LAMA5: variants seen among roughly 807,000 people sequenced by gnomAD.
LAMA5 encodes laminin subunit alpha 5, also known as laminin subunit alpha-5.
LAMA5 carries 260 observed loss-of-function variants against 433.4 expected under a neutral mutation model. The ratio of observed to expected loss-of-function variants is 0.60; its 90% CI spans 0.54 to 0.66. The LOEUF is 0.66. Ranked by LOEUF, LAMA5 falls within the 30% of genes least tolerant of loss-of-function variation. The pLI is 0.00. For missense variants in LAMA5, 5,378 were observed against 5,258.5 expected (o/e 1.02, Z -0.70); for synonymous variants, 2,620 against 2,226.6 (o/e 1.18, Z -4.97).
In LAMA5 at chr20:62,324,350, G is replaced by T; in HGVS notation, c.5643+91C>A. 7.0e-7 allele frequency: 1 copy of T among 1,424,646 alleles called. No homozygotes were observed. The highest frequency in any genetic ancestry group is 9.7e-7 in the Non-Finnish European group (1 of 1,031,434). 88.3% of individuals were successfully genotyped at this position (1,424,646 alleles called of 1,614,324 possible). On this transcript the variant is annotated intron_variant, in intron 42 of 79. Transcript: ENST00000252999. The surrounding 1 kb of genome is among the most constrained non-coding windows in gnomAD (Gnocchi z 4.4). ...CAACACCCTTCCCCAGACCTCAGTT[G>T]ACCTGGAAGTGCAGCCCCTGGTCTT... is the stretch of plus-strand genomic sequence containing the variant.
At position 62,333,437 on chromosome 20, in the gene LAMA5, G is replaced by T. The variant is rs139992490; in HGVS notation, c.3066C>A (p.Leu1022=). 1.2e-6 allele frequency: 2 copies of T among 1,612,756 alleles called. No individual in the cohort carries two copies. The highest frequency in any genetic ancestry group is 2.2e-5 in the East Asian group (1 of 44,870). Residue 1022 remains leucine (L), a synonymous_variant, in exon 25 of 80, where the codon CTC becomes CTA. Coordinates refer to ENST00000252999, the MANE Select transcript of LAMA5 (RefSeq NM_005560.6). ...AGGCCTCAGTCACCCGCAGCTGCAG[G>T]AGCGCCGCCTCGTAGTATGCGCTAG... The part of the protein sequence containing the change: ...LLPSAYYEAA[L]LQLRVTEACT...
Position 62,316,939 on chromosome 20 carries a change from C to A in LAMA5, c.7596G>T (p.Val2532=). The change falls in exon 56 of 80, where the codon GTG becomes GTT. Residue 2532 remains valine, a synonymous_variant. Transcript: ENST00000252999. The part of the protein sequence containing the change: ...SNAYSRILQA[V]QAAEDAAGQA... ...GGCCAGCAGCATCCTCGGCAGCCTGCACGGCCTGCAGGATGCGGCTGTAGG... is the reference window on the plus strand; with the variant it reads ...GGCCAGCAGCATCCTCGGCAGCCTGAACGGCCTGCAGGATGCGGCTGTAGG... The A allele has an allele frequency of 6.4e-7, 1 of 1,563,930 alleles. No homozygotes were observed.
In LAMA5 at chr20:62,311,065, C is replaced by T. The variant is rs1472165176; in HGVS notation, c.10118G>A (p.Arg3373Gln). The change falls in exon 74 of 80, where the codon CGA becomes CAA. Residue 3373 changes from arginine to glutamine, a missense_variant. Arg to Gln is a conservative substitution (Grantham distance 43, BLOSUM62 1). Coordinates refer to ENST00000252999, the MANE Select transcript of LAMA5 (RefSeq NM_005560.6). ...GAAGAGGAGGAGGCCTCGGGAGCTT[C>T]GCGGGAGGACGTGCATGGAGAGACT... ...WPSLSMHVLP[R>Q]SSRGLLLFTA... The T allele has an allele frequency of 1.1e-5, 17 of 1,594,244 alleles. No homozygotes were observed. The highest frequency in any genetic ancestry group is 1.5e-5 in the Non-Finnish European group (17 of 1,170,408).
At chr20:62,313,041 C>A in intron 65 of LAMA5, 31 bp from the exon 66 acceptor site, 1 of 1,596,614 alleles carries the variant, frequency 6.3e-7, no homozygotes, top group Non-Finnish European at 8.5e-7. Context: ...TAGTGTGGGG[C>A]AGGGTCAGTG....
intron 6 of LAMA5, among the ~76,000 whole-genome samples, chr20:62,348,918 AG>A (rs1983768342): frequency 6.6e-6 from 1 of 152,174 alleles, no homozygotes; most frequent in South Asian, 2.1e-4. Context: ...CCAGGGGAAA[AG>A]AGGTAGGAAA....
chr20:62,344,257 CAACT>C (rs1291243487), intron 11 of LAMA5, among the ~76,000 whole-genome samples: 1 of 150,998 alleles, frequency 6.6e-6, no homozygotes, highest in East Asian at 1.9e-4. Flanking sequence ...AAAACCCTAC[CAACT>C]AGACTGTGAT....
chr20:62,334,138 C>T (rs1170346564), intron 22 of LAMA5, 48 bp downstream of exon 22: 2 of 1,593,244 alleles, frequency 1.3e-6, no homozygotes, highest in African/African-American at 2.7e-5. Context: ...CCAGCCACGC[C>T]TGGCTCCACT....
At position 62,324,378 on chromosome 20, in the gene LAMA5, C is replaced by G. The variant is rs1160061254; in HGVS notation, c.5643+63G>C. 1.4e-6 allele frequency: 2 copies of G among 1,458,620 alleles called. No individual in the cohort carries two copies. Among genetic ancestry groups the G allele is most frequent in the Non-Finnish European group, 1.9e-6 (2 of 1,054,286 alleles). 90.4% of individuals were successfully genotyped at this position (1,458,620 alleles called of 1,614,324 possible). A position where few individuals can be genotyped will look rare whatever the true frequency, so the allele number is the denominator to read the frequency against. Reference sequence around the variant, plus strand: ...CTGGAAGTGCAGCCCCTGGTCTTCCCTGGCACACTTGACTGTGCCTTCAGT... The same window carrying G: ...CTGGAAGTGCAGCCCCTGGTCTTCCGTGGCACACTTGACTGTGCCTTCAGT... On this transcript the variant is annotated intron_variant, in intron 42 of 79. Coordinates refer to ENST00000252999, the MANE Select transcript of LAMA5 (RefSeq NM_005560.6). This position sits in a 1 kb window ranked among gnomAD's most constrained non-coding sequence, Gnocchi z 4.4.
In LAMA5 at chr20:62,312,550, T is replaced by C. The variant is rs1212228934; in HGVS notation, c.9228-18A>G. Reference sequence around the variant, plus strand: ...GTCGCAGGCTGTGGGGAAGCGGGGATGCGGGTCAGGGCGCCACCTCCAAGC... The same window carrying C: ...GTCGCAGGCTGTGGGGAAGCGGGGACGCGGGTCAGGGCGCCACCTCCAAGC... On this transcript the variant is annotated intron_variant, in intron 67 of 79. Coordinates refer to ENST00000252999, the MANE Select transcript of LAMA5 (RefSeq NM_005560.6). 3 of 1,599,322 alleles carry C rather than the reference T, an allele frequency of 1.9e-6. No individual in the cohort carries two copies. Among genetic ancestry groups the C allele is most frequent in the Middle Eastern group, 1.7e-4 (1 of 6,050 alleles).
rs768090162 is a variant in LAMA5, at chr20:62,336,376, A to T, written c.2287T>A (p.Trp763Arg). 1.1e-5 allele frequency: 17 copies of T among 1,612,328 alleles called. No homozygotes were observed. Among genetic ancestry groups the T allele is most frequent in the Non-Finnish European group, 1.4e-5 (16 of 1,179,706 alleles). ...PSCDRCKPGF[W>R]GLSPSNPEGC... ...TCGGGGTTGCTGGGGCTCAGTCCCCAGAACCCAGGTTTGCAGCGGTCACAG... is the reference window on the plus strand; with the variant it reads ...TCGGGGTTGCTGGGGCTCAGTCCCCTGAACCCAGGTTTGCAGCGGTCACAG... The change falls in exon 18 of 80, where the codon TGG (tryptophan) becomes AGG (arginine). Residue 763 changes from tryptophan to arginine, a missense_variant. Transcript: ENST00000252999.
chr20:62,329,223 A>G lies in LAMA5; in HGVS notation c.4150T>C (p.Tyr1384His). 6.2e-7 allele frequency: 1 copy of G among 1,612,706 alleles called. No individual in the cohort carries two copies. The highest frequency in any genetic ancestry group is 8.5e-7 in the Non-Finnish European group (1 of 1,179,798). The change falls in exon 33 of 80, where the codon TAC becomes CAC. Residue 1384 changes from tyrosine to histidine, a missense_variant. Transcript: ENST00000252999. ...DYVLVVPENV[Y>H]SFGYLREEPL... ...TCCTCCCGGAGGTAGCCAAAGCTGT[A>G]GACGTTCTCAGGGACCACGAGTACA...
intron 45 of LAMA5, among the ~76,000 whole-genome samples, 163 bp downstream of exon 45, chr20:62,323,293 C>T (rs906976709): frequency 6.6e-5 from 10 of 151,214 alleles, no homozygotes; most frequent in Non-Finnish European, 8.8e-5. Context: ...CGGATCATAG[C>T]GGGGGAGAAA....
intron 2 of LAMA5, 68 bp downstream of exon 2, chr20:62,362,332 G>T: frequency 7.3e-7 from 1 of 1,361,012 alleles, no homozygotes. Flanking sequence ...TGGTCCTGTG[G>T]CCCAAGGTAG....
intron 2 of LAMA5, among the ~76,000 whole-genome samples, chr20:62,354,618 C>A (rs1021453880): frequency 1.3e-5 from 2 of 152,102 alleles, no homozygotes; most frequent in East Asian, 3.9e-4. Flanking sequence ...GAGGCTGCAC[C>A]CAGGAGCAGG....
chr20:62,314,275 G>A (rs758719223), intron 62 of LAMA5, 29 bp downstream of exon 62: 5 of 1,605,442 alleles, frequency 3.1e-6, no homozygotes, highest in South Asian at 1.1e-5. Context: ...GCAGTTGGAG[G>A]CATCCGGCCT....
At chr20:62,366,851 G>T in intron 1 of LAMA5, 98 bp downstream of exon 1, 1 of 1,225,642 alleles carries the variant, frequency 8.2e-7, no homozygotes, top group Non-Finnish European at 1.0e-6. Context: ...GTCCGCACCT[G>T]GACTCGCCCC....
chr20:62,317,732 G>A lies in LAMA5; in HGVS notation c.7286C>T (p.Thr2429Ile), dbSNP rs1987112158. The A allele has an allele frequency of 6.2e-7, 1 of 1,607,798 alleles. No individual in the cohort carries two copies. Among genetic ancestry groups the A allele is most frequent in the Non-Finnish European group, 8.5e-7 (1 of 1,177,962 alleles). ...CAGGGTGTCCCTAGCCGCATGCAGA[G>A]TGGCCTGCAGGGTGGCATTGTCCCG... ...LSRDNATLQA[T>I]LHAARDTLAS... is the part of the protein sequence containing the mutation. The change falls in exon 54 of 80, where the codon ACT becomes ATT. Residue 2429 changes from threonine (T) to isoleucine (I), a missense_variant. Transcript: ENST00000252999.
chr20:62,324,608 A>AC lies in LAMA5; in HGVS notation c.5530-55dup. On this transcript the variant is annotated intron_variant, in intron 41 of 79. Transcript: ENST00000252999. The surrounding 1 kb of genome is among the most constrained non-coding windows in gnomAD (Gnocchi z 4.4). ...AGCGATTGAGAGGACGAGGGGCCCC[A>AC]CCCTGCAAGCTCACAAGTCAGACCC... 8.3e-7 allele frequency: 1 copy of AC among 1,207,984 alleles called. No individual in the cohort carries two copies. Among genetic ancestry groups the AC allele is most frequent in the African/African-American group, 1.5e-5 (1 of 66,930 alleles). 74.8% of individuals were successfully genotyped at this position (1,207,984 alleles called of 1,614,324 possible). A position where few individuals can be genotyped will look rare whatever the true frequency, so the allele number is the denominator to read the frequency against.
chr20:62,330,873 G>A lies in LAMA5; in HGVS notation c.3722C>T (p.Pro1241Leu), dbSNP rs1980254896. The part of the protein sequence containing the change: ...PIILRDCQVI[P>L]LPPGLPLTHA... ...GGTCAGCGGGAGGCCGGGCGGCAGC[G>A]GGATCACCTGGCAGTCCCTGAGGAT... The change falls in exon 30 of 80, where the codon CCG becomes CTG. Residue 1241 changes from proline (P) to leucine (L), a missense_variant. Transcript: ENST00000252999. 6 of 1,541,446 alleles carry A rather than the reference G, an allele frequency of 3.9e-6. No homozygotes were observed. Among genetic ancestry groups the A allele is most frequent in the African/African-American group, 1.4e-5 (1 of 73,006 alleles).
Sources: gnomAD v4.1 joint callset for allele counts (sites outside exome capture counted in the v4.1 genomes callset) on GRCh38, gnomAD v4.1.1 for gene constraint, Gnocchi (gnomAD v3.1) non-coding constraint, MANE v1.5 for transcripts, NCBI Gene and HGNC (gene_info 2026-07-23, HGNC 2026-07-21) for gene names.